The following PAPLN variants were observed in gnomAD, a reference collection of about 807,000 sequenced individuals.
PAPLN encodes papilin, proteoglycan like sulfated glycoprotein.
PAPLN carries 146 observed loss-of-function variants against 159.0 expected under a neutral mutation model. The ratio of observed to expected loss-of-function variants is 0.92; its 90% CI spans 0.80 to 1.05. The LOEUF (loss-of-function observed/expected upper bound fraction) is 1.05, where lower values mean the gene tolerates loss of function less well. Among genes scored for constraint, PAPLN ranks in the 50% least tolerant of loss-of-function variants. The pLI is 0.00. For synonymous variants in PAPLN, 734 were observed against 702.9 expected, an observed-to-expected ratio of 1.04 and a Z score of -0.70; for missense variants, 1,720 against 1,743.9, an observed-to-expected ratio of 0.99 and a Z score of 0.24.
Position 73,253,746 on chromosome 14 carries a change from C to T in PAPLN, c.1095-8C>T. 6.3e-7 allele frequency: 1 copy of T among 1,586,750 alleles called. No individual in the cohort carries two copies. The highest frequency in any genetic ancestry group is 8.6e-7 in the Non-Finnish European group (1 of 1,162,092). On this transcript the variant is annotated splice_region_variant and splice_polypyrimidine_tract_variant and intron_variant, in intron 11 of 26. Coordinates refer to ENST00000644200, the MANE Select transcript of PAPLN (RefSeq NM_001365906.3). ...GGGCCAGCCTTACCTGATTCCCCCT[C>T]CTGCCAGCTGGAAGGCAGGGCCATG... is the stretch of plus-strand genomic sequence containing the variant.
At chr14:73,263,996 A>G (rs1203730341) in intron 20 of PAPLN, 1 of 1,323,276 alleles carries the variant, frequency 7.6e-7, no homozygotes, top group Non-Finnish European at 9.7e-7. Flanking sequence ...CAGCCCCCCG[A>G]CCTCCTCTGA....
At chr14:73,249,749 TTAAG>T (rs1323451647) in intron 5 of PAPLN, 3 of 287,906 alleles carry the variant, frequency 1.0e-5, no homozygotes, top group African/African-American at 6.6e-5. Flanking sequence ...GTAGACTTCT[TTAAG>T]TGTTTCACTT....
rs1439233103 is a variant in PAPLN at position 73,262,628 on chromosome 14, A to T, written c.2524A>T (p.Arg842Trp). The change falls in exon 19 of 27, where the codon AGG becomes TGG. Residue 842 changes from arginine (R) to tryptophan (W), a missense_variant. By Grantham distance (101) the Arg-to-Trp change is moderately radical. Transcript: ENST00000644200. ...PAGEQEPSQH[R>W]TGAAVQRKPW... The stretch of plus-strand genomic sequence containing the variant: ...AGGCGAGCAGGAACCCAGCCAGCAC[A>T]GGACAGGGGCCGCGGTGCAGAGAAA... 3 of 1,534,416 alleles carry T rather than the reference A, an allele frequency of 2.0e-6. No individual in the cohort carries two copies. The highest frequency in any genetic ancestry group is 4.0e-5 in the Admixed American group (2 of 50,234).
At chr14:73,263,451 C>T (rs532754973) in intron 19 of PAPLN, 194 bp from the exon 20 acceptor site, 68 of 659,852 alleles carry the variant, frequency 1.0e-4, no homozygotes, top group South Asian at 2.6e-4. Context: ...TTGGGGGAGC[C>T]GGGGGCAGGT....
intron 2 of PAPLN, chr14:73,244,087 G>A (rs577736406): frequency 1.3e-5 from 2 of 157,696 alleles, no homozygotes; most frequent in East Asian, 3.8e-4. Context: ...TGAGAACTAA[G>A]TGATGTAGCC....
At position 73,268,689 on chromosome 14, in the gene PAPLN, C is replaced by G. The variant is rs1162841843; in HGVS notation, c.3633C>G (p.Val1211=). ...GTGCCTACCAGGGGAGCCAGGCAGT[C>G]AGCCGCAGCACCGAGGTGAAGGTGG... The part of the protein sequence containing the change: ...TCSAYQGSQA[V]SRSTEVKVVS... The change falls in exon 26 of 27, where the codon GTC becomes GTG. Residue 1211 remains valine (V), a synonymous_variant. Transcript: ENST00000644200. 2.5e-6 allele frequency: 4 copies of G among 1,613,242 alleles called. No homozygotes were observed. In the Admixed American group the frequency reaches 6.7e-5, roughly 27 times the overall value.
intron 5 of PAPLN, among the ~76,000 whole-genome samples, chr14:73,246,397 ATTTTTTTTTTTT>A (rs531973214): frequency 2.4e-5 from 2 of 84,646 alleles, no homozygotes; most frequent in South Asian, 4.7e-4. Flanking sequence ...TACCCGACCA[ATTTTTTTTTTTT>A]TTTTTTTTTT....
Position 73,261,311 on chromosome 14 carries a change from T to C in PAPLN, c.2245+17T>C. 1 of 1,610,384 alleles carries C rather than the reference T, an allele frequency of 6.2e-7. No individual in the cohort carries two copies. Among genetic ancestry groups the C allele is most frequent in the Non-Finnish European group, 8.5e-7 (1 of 1,178,488 alleles). The stretch of plus-strand genomic sequence containing the variant: ...CCAGCCATGGTGAGTGGACACCCCC[T>C]CTCCTCCTTCTCGATGGGTAGACTC... On this transcript the variant is annotated intron_variant, in intron 18 of 26. Transcript: ENST00000644200.
At chr14:73,264,506 C>A in intron 21 of PAPLN, 82 bp from the exon 22 acceptor site, 1 of 1,530,804 alleles carries the variant, frequency 6.5e-7, no homozygotes, top group Non-Finnish European at 8.8e-7. Flanking sequence ...CTCCGTAAGT[C>A]CCTGCTGGTC....
At position 73,254,961 on chromosome 14, in the gene PAPLN, C is replaced by T; in HGVS notation, c.1570C>T (p.His524Tyr). ...GPPSHCGSLQ[H>Y]SKPVDVEPCN... ...GCCCAGCCACTGCGGGAGCCTGCAG[C>T]ACTCCAAGCCTGTGGATGTGGAGCC... Residue 524 changes from histidine (H) to tyrosine (Y), a missense_variant, in exon 14 of 27, where the codon CAC becomes TAC. His to Tyr is a moderately conservative substitution (Grantham distance 83). Coordinates refer to ENST00000644200, the MANE Select transcript of PAPLN (RefSeq NM_001365906.3). The T allele has an allele frequency of 3.1e-6, 5 of 1,613,742 alleles. No individual in the cohort carries two copies. Among genetic ancestry groups the T allele is most frequent in the Non-Finnish European group, 4.2e-6 (5 of 1,179,968 alleles).
chr14:73,249,622 C>A (rs918883008), intron 5 of PAPLN, among the ~76,000 whole-genome samples: 1 of 137,534 alleles, frequency 7.3e-6, no homozygotes, highest in African/African-American at 2.8e-5. Flanking sequence ...TGCAGTGAGT[C>A]GAGATCGTGC....
Position 73,257,686 on chromosome 14 carries a change from C to T in PAPLN, c.1628-1293C>T, listed in dbSNP as rs544610950. Among the ~76,000 whole-genome samples, 103 of 150,170 alleles carry T rather than the reference C, an allele frequency of 6.9e-4. 3 individuals are homozygous for T. The highest frequency in any genetic ancestry group is 3.2e-3 in the South Asian group (15 of 4,730). The stretch of plus-strand genomic sequence containing the variant: ...GAAATGCATAGTGAGCAGCCATGTA[C>T]ACACTATCTCAATCCCACAACTAGT... On this transcript the variant is annotated intron_variant, in intron 14 of 26. Transcript: ENST00000644200.
intron 25 of PAPLN, 94 bp from the exon 26 acceptor site, chr14:73,268,463 G>A (rs1375408275): frequency 1.0e-5 from 14 of 1,334,108 alleles, no homozygotes; most frequent in Non-Finnish European, 1.4e-5. Flanking sequence ...GGTGGGAACG[G>A]TTGGCTCTGG....
At chr14:73,264,476 C>A in intron 21 of PAPLN, 112 bp from the exon 22 acceptor site, 1 of 1,520,306 alleles carries the variant, frequency 6.6e-7, no homozygotes, top group Non-Finnish European at 8.9e-7. Context: ...CTGGCAGGGA[C>A]CACCCTGTGG....
At chr14:73,264,377 C>A (rs1192601905) in intron 21 of PAPLN, 42 bp downstream of exon 21, 1 of 1,590,426 alleles carries the variant, frequency 6.3e-7, no homozygotes, top group Non-Finnish European at 8.6e-7. Flanking sequence ...TCTCAGGGGC[C>A]CGAGTGGGAA....
chr14:73,243,516 A>G (rs1370196183), intron 2 of PAPLN: 3 of 152,222 alleles, frequency 2.0e-5, no homozygotes, highest in African/African-American at 7.2e-5. Flanking sequence ...GTGGGGGCAC[A>G]GCCTCGGCAG....
chr14:73,259,243 G>A (rs981074127), intron 15 of PAPLN, 26 bp from the exon 16 acceptor site: 9 of 1,536,180 alleles, frequency 5.9e-6, no homozygotes, highest in South Asian at 2.5e-5. Flanking sequence ...TGGACGCACT[G>A]TGTGTCTTTT....
chr14:73,261,812 G>T (rs1886620226), intron 18 of PAPLN, among the ~76,000 whole-genome samples: 1 of 152,222 alleles, frequency 6.6e-6, no homozygotes, highest in South Asian at 2.1e-4. Flanking sequence ...GGCACCCATG[G>T]TCATGTCTAA....
chr14:73,270,554 T>C (rs1887628948), intron 26 of PAPLN, among the ~76,000 whole-genome samples: 1 of 152,184 alleles, frequency 6.6e-6, no homozygotes, highest in Non-Finnish European at 1.5e-5. Flanking sequence ...AGGGACTACT[T>C]TTCACCTGTA....
Sources: allele counts gnomAD v4.1 joint callset (sites outside exome capture counted in the v4.1 genomes callset), GRCh38; gene constraint gnomAD v4.1.1; transcripts MANE v1.5; gene names NCBI Gene and HGNC (gene_info 2026-07-23, HGNC 2026-07-21).